Variants in TCERG1L observed in about 807,000 individuals in gnomAD.
TCERG1L encodes the protein transcription elongation regulator 1-like protein.
TCERG1L carries 37 observed loss-of-function variants against 56.3 expected under a neutral mutation model. The ratio of observed to expected loss-of-function variants is 0.66; its 90% CI spans 0.51 to 0.87. The LOEUF (loss-of-function observed/expected upper bound fraction) is 0.87. Among genes scored for constraint, TCERG1L ranks in the 40% least tolerant of loss-of-function variants. The probability of loss-of-function intolerance (pLI) is 0.00; values close to 1 mark genes in which losing one functional copy is unlikely to be tolerated. For synonymous variants in TCERG1L, 324 were observed against 326.3 expected (o/e 0.99, Z 0.08); for missense variants, 799 against 774.2 (o/e 1.03, Z -0.38).
intron 9 of TCERG1L, among the ~76,000 whole-genome samples, chr10:131,106,530 T>TG (rs1178464347): frequency 6.6e-6 from 1 of 152,080 alleles, no homozygotes; most frequent in Non-Finnish European, 1.5e-5. Context: ...TGAACATGCC[T>TG]GGGGGTGCAA....
chr10:131,311,591 CT>C lies in TCERG1L; in HGVS notation c.44del (p.Gln15ArgfsTer110). On this transcript the variant is annotated frameshift_variant, in exon 1 of 12. Transcript: ENST00000368642. LOFTEE classifies it high-confidence loss of function. The surrounding 1 kb of genome is among the most constrained non-coding windows in gnomAD (Gnocchi z 4.0). ...GCTGCCGCCGCCGGGGCTGCTGCTGCTGCAGCTGCCGCCGCCGCCGCTGGAA... is the reference window on the plus strand; with the variant it reads ...GCTGCCGCCGCCGGGGCTGCTGCTGCGCAGCTGCCGCCGCCGCCGCTGGAA... ...ARFQRRRRQL[Q>X]QQQPRRRQPL... The C allele has an allele frequency of 8.7e-7, 1 of 1,151,688 alleles. No individual in the cohort carries two copies. The highest frequency in any genetic ancestry group is 1.1e-6 in the Non-Finnish European group (1 of 937,280). 71.3% of individuals were successfully genotyped at this position (1,151,688 alleles called of 1,614,324 possible). A position where few individuals can be genotyped will look rare whatever the true frequency, so the allele number is the denominator to read the frequency against.
chr10:131,177,555 G>A (rs534298597), intron 4 of TCERG1L, among the ~76,000 whole-genome samples: 3 of 152,336 alleles, frequency 2.0e-5, no homozygotes, highest in Admixed American at 6.5e-5. Context: ...GCAGTGTCCC[G>A]AAGTGCAGCA....
At chr10:131,251,340 G>T (rs1405232049) in intron 4 of TCERG1L, among the ~76,000 whole-genome samples, 1 of 134,580 alleles carries the variant, frequency 7.4e-6, no homozygotes, top group East Asian at 2.4e-4. Context: ...GCTCAGAACA[G>T]CCCCTCTCCC....
chr10:131,132,951 G>A (rs560317667), intron 8 of TCERG1L, among the ~76,000 whole-genome samples: 30 of 152,344 alleles, frequency 2.0e-4, no homozygotes, highest in African/African-American at 6.5e-4. Context: ...CCAGGCGGCA[G>A]GAGCACTGGG....
chr10:131,130,831 A>G (rs1845610592), intron 8 of TCERG1L, among the ~76,000 whole-genome samples: 1 of 151,946 alleles, frequency 6.6e-6, no homozygotes, highest in South Asian at 2.1e-4. Context: ...ATGGACTAAT[A>G]CAACATGTTA....
chr10:131,096,906 A>T (rs2133377479), intron 11 of TCERG1L, among the ~76,000 whole-genome samples: 1 of 151,990 alleles, frequency 6.6e-6, no homozygotes, highest in Middle Eastern at 3.4e-3. Context: ...AAAGAAAGAA[A>T]AAACTGATTC....
chr10:131,134,163 T>C (rs1027472525), intron 8 of TCERG1L, among the ~76,000 whole-genome samples: 1 of 152,100 alleles, frequency 6.6e-6, no homozygotes. Flanking sequence ...GCAGGCCCTG[T>C]GTACAGTGTC....
At chr10:131,117,551 C>T (rs1409246218) in intron 8 of TCERG1L, among the ~76,000 whole-genome samples, 1 of 152,202 alleles carries the variant, frequency 6.6e-6, no homozygotes, top group Non-Finnish European at 1.5e-5. Flanking sequence ...AGTTCCCTCC[C>T]ACAGCAGAGG....
chr10:131,239,762 T>A (rs1845951663), intron 4 of TCERG1L, among the ~76,000 whole-genome samples: 1 of 152,250 alleles, frequency 6.6e-6, no homozygotes, highest in Non-Finnish European at 1.5e-5. Context: ...GGCTCCCGCA[T>A]AAAGGGGATC....
chr10:131,215,950 C>G (rs1202417953), intron 4 of TCERG1L, among the ~76,000 whole-genome samples: 1 of 152,168 alleles, frequency 6.6e-6, no homozygotes, highest in Non-Finnish European at 1.5e-5. Context: ...AACTCACCCA[C>G]GAACGCGCAC....
chr10:131,253,714 G>A lies in TCERG1L; in HGVS notation c.856+6545C>T, dbSNP rs113635212. Among the ~76,000 whole-genome samples, 1,137 of 152,226 alleles carry A rather than the reference G, an allele frequency of 7.5e-3. 9 individuals are homozygous for A. The highest frequency in any genetic ancestry group is 0.026 in the African/African-American group (1,066 of 41,542). ...CTCATAGAGAACACAGAGAACTGTCGACCAACACGCCAGAGCATCGTTGAA... is the reference window on the plus strand; with the variant it reads ...CTCATAGAGAACACAGAGAACTGTCAACCAACACGCCAGAGCATCGTTGAA... On this transcript the variant is annotated intron_variant, in intron 4 of 11. Coordinates refer to ENST00000368642, the MANE Select transcript of TCERG1L (RefSeq NM_174937.4).
chr10:131,178,392 G>T lies in TCERG1L; in HGVS notation c.857-11507C>A, dbSNP rs1319152922. On this transcript the variant is annotated intron_variant, in intron 4 of 11. Coordinates refer to ENST00000368642, the MANE Select transcript of TCERG1L (RefSeq NM_174937.4). ...CCTCTCAGCTGAGCTGTGACAAATGGGGTAACGAGTATCTCATGCCCTGAG... is the reference window on the plus strand; with the variant it reads ...CCTCTCAGCTGAGCTGTGACAAATGTGGTAACGAGTATCTCATGCCCTGAG... 3.3e-5 allele frequency among the ~76,000 whole-genome samples: 5 copies of T among 152,146 alleles called. No individual in the cohort carries two copies. In the East Asian group the frequency reaches 9.7e-4, roughly 29 times the overall value.
chr10:131,103,230 G>GT lies in TCERG1L; in HGVS notation c.1485+1034dup, dbSNP rs1845320349. On this transcript the variant is annotated intron_variant, in intron 10 of 11. Transcript: ENST00000368642. The surrounding 1 kb of genome is among the most constrained non-coding windows in gnomAD (Gnocchi z 4.3). ...GTAAATGACAAGAATATTCAGGGAG[G>GT]TAAAAAAAAGGCAATAATTTTTAAG... Among the ~76,000 whole-genome samples the GT allele has an allele frequency of 6.6e-6, 1 of 151,954 alleles. No individual in the cohort carries two copies. The highest frequency in any genetic ancestry group is 1.5e-5 in the Non-Finnish European group (1 of 68,004).
At chr10:131,283,652 A>G (rs1028078265) in intron 3 of TCERG1L, among the ~76,000 whole-genome samples, 7 of 152,206 alleles carry the variant, frequency 4.6e-5, no homozygotes, top group Non-Finnish European at 8.8e-5. Context: ...AGACATTATA[A>G]TGAATAAAGA....
chr10:131,282,495 C>A (rs767805863), intron 3 of TCERG1L, among the ~76,000 whole-genome samples: 98 of 152,172 alleles, frequency 6.4e-4, no homozygotes, highest in Non-Finnish European at 1.3e-3. Flanking sequence ...ACCAGGAAGA[C>A]AAGACCTCCC....
intron 4 of TCERG1L, among the ~76,000 whole-genome samples, chr10:131,171,713 G>C (rs1012976816): frequency 2.6e-5 from 4 of 152,164 alleles, no homozygotes; most frequent in Non-Finnish European, 5.9e-5. Flanking sequence ...TGAGATTACA[G>C]GCATGCGCCA....
intron 4 of TCERG1L, among the ~76,000 whole-genome samples, chr10:131,197,636 A>G (rs1340086864): frequency 1.3e-5 from 2 of 152,212 alleles, no homozygotes; most frequent in Non-Finnish European, 2.9e-5. Context: ...TTCACCAACA[A>G]GCAGGTCTAC....
chr10:131,144,932 G>A (rs1254724767), intron 7 of TCERG1L, among the ~76,000 whole-genome samples: 3 of 152,190 alleles, frequency 2.0e-5, no homozygotes, highest in Non-Finnish European at 2.9e-5. Flanking sequence ...CAGTGGGGGC[G>A]TTTGCAGATG....
intron 9 of TCERG1L, among the ~76,000 whole-genome samples, chr10:131,105,992 C>T (rs1845348603): frequency 6.6e-6 from 1 of 152,124 alleles, no homozygotes; most frequent in Non-Finnish European, 1.5e-5. Flanking sequence ...TCTGCATGTC[C>T]CACCTTTGCC....
Sources: gnomAD v4.1 joint callset for allele counts (sites outside exome capture counted in the v4.1 genomes callset) on GRCh38, gnomAD v4.1.1 for gene constraint, Gnocchi (gnomAD v3.1) non-coding constraint, MANE v1.5 for transcripts, NCBI Gene and HGNC (gene_info 2026-07-23, HGNC 2026-07-21) for gene names.